Variants in FHIT observed in about 807,000 individuals in gnomAD.
FHIT encodes fragile histidine triad diadenosine triphosphatase, also known as bis(5'-adenosyl)-triphosphatase.
Under a neutral mutation model 17.9 loss-of-function variants are expected in FHIT, and 19 were observed. The ratio of observed to expected loss-of-function variants is 1.06; its 90% confidence interval spans 0.74 to 1.56. The LOEUF (loss-of-function observed/expected upper bound fraction) is 1.56. Ranked by LOEUF, FHIT falls within the 40% of genes most tolerant of loss-of-function variation. The pLI, the probability that FHIT is intolerant of heterozygous loss-of-function variation, is 0.00. For missense variants in FHIT, 248 were observed against 189.2 expected (o/e 1.31, Z -1.82); for synonymous variants, 81 against 69.7 (o/e 1.16, Z -0.81).
intron 4 of FHIT, among the ~76,000 whole-genome samples, chr3:60,715,647 G>C (rs1559664309): frequency 2.0e-5 from 3 of 149,118 alleles, no homozygotes; most frequent in Admixed American, 2.0e-4. Flanking sequence ...GGGAGGGGTA[G>C]CCTTAGGAGA....
intron 4 of FHIT, among the ~76,000 whole-genome samples, chr3:60,812,308 C>G (rs1701594985): frequency 6.6e-6 from 1 of 151,732 alleles, no homozygotes; most frequent in Non-Finnish European, 1.5e-5. Flanking sequence ...GATTCCCAAG[C>G]AGCATCATGC....
chr3:61,113,753 C>T (rs2036224699), intron 2 of FHIT, among the ~76,000 whole-genome samples: 2 of 152,252 alleles, frequency 1.3e-5, no homozygotes, highest in African/African-American at 2.4e-5. Context: ...TAACATAACA[C>T]ATGATATACA....
At chr3:60,196,194 C>G (rs1702633510) in intron 5 of FHIT, among the ~76,000 whole-genome samples, 1 of 152,140 alleles carries the variant, frequency 6.6e-6, no homozygotes, top group African/African-American at 2.4e-5. Flanking sequence ...TCTGAAATGG[C>G]TGTCACTGGG....
intron 3 of FHIT, among the ~76,000 whole-genome samples, chr3:60,989,783 C>T (rs1460785419): frequency 6.6e-6 from 1 of 152,122 alleles, no homozygotes; most frequent in Non-Finnish European, 1.5e-5. Flanking sequence ...ATAAGCAATG[C>T]ATTATCCCTG....
chr3:59,905,308 G>A (rs879918548), intron 8 of FHIT, among the ~76,000 whole-genome samples: 9 of 152,216 alleles, frequency 5.9e-5, no homozygotes, highest in Non-Finnish European at 1.2e-4. Flanking sequence ...CGAACTTCAA[G>A]AATAAACTGG....
chr3:60,989,732 C>T (rs955005473), intron 3 of FHIT, among the ~76,000 whole-genome samples: 7 of 152,142 alleles, frequency 4.6e-5, no homozygotes, highest in Non-Finnish European at 8.8e-5. Context: ...TTTTATGTTT[C>T]CCTTTGATTT....
chr3:60,457,704 G>C (rs529157084), intron 5 of FHIT, among the ~76,000 whole-genome samples: 16 of 150,466 alleles, frequency 1.1e-4, no homozygotes, highest in African/African-American at 3.4e-4. Flanking sequence ...CTAATATCCA[G>C]AATCTACAAT....
chr3:60,075,304 G>C (rs1278238566), intron 5 of FHIT, among the ~76,000 whole-genome samples: 1 of 152,088 alleles, frequency 6.6e-6, no homozygotes, highest in Non-Finnish European at 1.5e-5. Context: ...AAAGTGAATA[G>C]CTGTGACAGT....
chr3:59,815,830 C>T (rs561551897), intron 8 of FHIT, among the ~76,000 whole-genome samples: 26 of 152,106 alleles, frequency 1.7e-4, no homozygotes, highest in African/African-American at 6.0e-4. Flanking sequence ...TCACAAATCA[C>T]CACTAAAGAA....
At chr3:60,041,895 C>T (rs1701454293) in intron 5 of FHIT, among the ~76,000 whole-genome samples, 1 of 152,218 alleles carries the variant, frequency 6.6e-6, no homozygotes, top group Non-Finnish European at 1.5e-5. Flanking sequence ...ATGAATATCT[C>T]AATTTATCCC....
intron 5 of FHIT, among the ~76,000 whole-genome samples, chr3:60,252,380 T>C (rs1351423928): frequency 1.3e-5 from 2 of 151,688 alleles, no homozygotes; most frequent in African/African-American, 2.4e-5. Flanking sequence ...CCCGTCTCTA[T>C]AAAAAAATTT....
chr3:60,140,611 T>C (rs1456386075), intron 5 of FHIT, among the ~76,000 whole-genome samples: 1 of 147,464 alleles, frequency 6.8e-6, no homozygotes, highest in East Asian at 2.0e-4. Flanking sequence ...AGAGTTTCGC[T>C]ATTGTTGTCC....
intron 5 of FHIT, among the ~76,000 whole-genome samples, chr3:60,258,540 T>C (rs1329659339): frequency 6.6e-6 from 1 of 151,502 alleles, no homozygotes; most frequent in Non-Finnish European, 1.5e-5. Flanking sequence ...CTTCCTAAGA[T>C]TATTACTTTA....
intron 3 of FHIT, among the ~76,000 whole-genome samples, chr3:61,005,497 T>G (rs906035667): frequency 2.6e-5 from 4 of 151,908 alleles, no homozygotes; most frequent in Non-Finnish European, 4.4e-5. Flanking sequence ...ATGGTGGTAA[T>G]AGTGATGATA....
chr3:59,988,219 T>C (rs1709072513), intron 7 of FHIT, among the ~76,000 whole-genome samples: 2 of 152,074 alleles, frequency 1.3e-5, no homozygotes, highest in Non-Finnish European at 2.9e-5. Flanking sequence ...TATTCCAAAG[T>C]TAACTTCGTT....
At chr3:60,460,679 A>G (rs1454567753) in intron 5 of FHIT, among the ~76,000 whole-genome samples, 1 of 152,208 alleles carries the variant, frequency 6.6e-6, no homozygotes, top group Non-Finnish European at 1.5e-5. Context: ...CAAAACATGT[A>G]TCACCCCACA....
At chr3:60,013,925 T>C in intron 6 of FHIT, 82 bp downstream of exon 6, 1 of 1,396,558 alleles carries the variant, frequency 7.2e-7, no homozygotes. Context: ...TCTGCCCTCC[T>C]GGTAAGATAT....
At chr3:59,995,407 GA>G (rs1292646283) in intron 7 of FHIT, among the ~76,000 whole-genome samples, 2 of 151,978 alleles carry the variant, frequency 1.3e-5, no homozygotes, top group Non-Finnish European at 2.9e-5. Context: ...GTCTCTTGAG[GA>G]GGTAATTAAA....
chr3:60,745,101 A>G (rs1425656204), intron 4 of FHIT, among the ~76,000 whole-genome samples: 1 of 152,208 alleles, frequency 6.6e-6, no homozygotes, highest in Non-Finnish European at 1.5e-5. Flanking sequence ...GGGGGAAAAA[A>G]GCAAGTCCAG....
Sources: allele counts gnomAD v4.1 joint callset (sites outside exome capture counted in the v4.1 genomes callset), GRCh38; gene constraint gnomAD v4.1.1; transcripts MANE v1.5; gene names NCBI Gene and HGNC (gene_info 2026-07-23, HGNC 2026-07-21).